The following CDK16 variants were observed in gnomAD, a reference collection of about 807,000 sequenced individuals.
The protein encoded by CDK16 is cyclin dependent kinase 16, also known as cyclin-dependent kinase 16.
Under a neutral mutation model 41.6 loss-of-function variants are expected in CDK16, and 2 were observed. The ratio of observed to expected loss-of-function variants is 0.05; its 90% CI spans 0.02 to 0.15. The LOEUF is 0.15. CDK16 is among the 10% of genes least tolerant of loss of function. The pLI is 1.00. For missense variants in CDK16, 228 were observed against 428.9 expected, an observed-to-expected ratio of 0.53 and a Z score of 4.14; for synonymous variants, 169 against 169.7, an observed-to-expected ratio of 1.00 and a Z score of 0.03.
chrX:47,228,930 G>A lies in CDK16; in HGVS notation c.*162G>A, dbSNP rs940859970. ...TGCCTGCCCAAACACCCCACCATTG[G>A]CCTGTCAACCCACCCATTGGCCTGT... On this transcript the variant is annotated 3_prime_UTR_variant, in exon 16 of 16. Transcript: ENST00000357227. 7.3e-6 allele frequency: 4 copies of A among 547,702 alleles called. No individual in the cohort carries two copies. The highest frequency in any genetic ancestry group is 9.4e-6 in the Non-Finnish European group (3 of 318,882). The allele number at this position is 547,702 out of a possible 1,213,427, so 45.1% of individuals were successfully genotyped here.
chrX:47,219,295 T>C (rs1213139465), intron 1 of CDK16, among the ~76,000 whole-genome samples, 190 bp downstream of exon 1: 3 of 108,263 alleles, frequency 2.8e-5, no homozygotes, highest in African/African-American at 6.8e-5. Context: ...TCCTGGGAGC[T>C]GGGGTTGGGT....
intron 11 of CDK16, 38 bp from the exon 12 acceptor site, chrX:47,226,956 C>G: frequency 8.3e-7 from 1 of 1,203,179 alleles, no homozygotes; most frequent in Non-Finnish European, 1.1e-6. Flanking sequence ...ACGGGGAGGA[C>G]CTGTGAAATG....
At chrX:47,225,433 C>T (rs1274260735) in intron 6 of CDK16, among the ~76,000 whole-genome samples, 6 of 112,090 alleles carry the variant, frequency 5.4e-5, no homozygotes, top group Middle Eastern at 4.6e-3. Flanking sequence ...TTCGATTTCA[C>T]GCGATGCTGC....
chrX:47,223,925 A>G (rs1303765605), intron 2 of CDK16, among the ~76,000 whole-genome samples, 166 bp downstream of exon 2: 1 of 105,103 alleles, frequency 9.5e-6, no homozygotes, highest in Non-Finnish European at 2.0e-5. Flanking sequence ...CCGTCTGTCT[A>G]TCTGTCCATC....
At chrX:47,219,736 C>T (rs1937252997) in intron 1 of CDK16, among the ~76,000 whole-genome samples, 1 of 110,198 alleles carries the variant, frequency 9.1e-6, no homozygotes, top group African/African-American at 3.3e-5. Flanking sequence ...TGTGAGAATG[C>T]AGTGTGTGCT....
chrX:47,228,530 G>C (rs779411336), intron 14 of CDK16, 37 bp from the exon 15 acceptor site: 4 of 1,127,852 alleles, frequency 3.5e-6, no homozygotes, highest in Non-Finnish European at 4.9e-6. Context: ...ATGACCTCAT[G>C]GGTCATCCCC....
At position 47,218,940 on chromosome X, in the gene CDK16, T is replaced by G; in HGVS notation, c.-172T>G. ...CGCCGCCGCCGCCGCCTCCTCCTCCTCAGCCGGCGGCGGCCCGGGCCCAGC... is the reference window on the plus strand; with the variant it reads ...CGCCGCCGCCGCCGCCTCCTCCTCCGCAGCCGGCGGCGGCCCGGGCCCAGC... On this transcript the variant is annotated 5_prime_UTR_variant, in exon 1 of 16. Transcript: ENST00000357227. The G allele has an allele frequency of 2.0e-6, 2 of 994,126 alleles. No homozygotes were observed. Among genetic ancestry groups the G allele is most frequent in the Non-Finnish European group, 2.5e-6 (2 of 788,989 alleles). The allele number at this position is 994,126 out of a possible 1,213,427, so 81.9% of individuals were successfully genotyped here.
At chrX:47,225,557 TCTC>T (rs1379344798) in intron 6 of CDK16, among the ~76,000 whole-genome samples, 20 of 111,675 alleles carry the variant, frequency 1.8e-4, no homozygotes, top group African/African-American at 5.2e-4. Flanking sequence ...TGCTCCATAC[TCTC>T]CTCTGAGTCT....
At position 47,227,223 on chromosome X, in the gene CDK16, G is replaced by T; in HGVS notation, c.1284G>T (p.Gln428His). The change falls in exon 13 of 16, where the codon CAG (glutamine) becomes CAT (histidine). Residue 428 changes from glutamine (Q) to histidine (H), a missense_variant and splice_region_variant. Physicochemically the swap from Gln to His is conservative, Grantham distance 24. This residue lies in a region of CDK16 where 91 missense variants were observed against 129.5 expected (regional missense o/e 0.70). Coordinates refer to ENST00000357227, the MANE Select transcript of CDK16 (RefSeq NM_006201.5). ...CCGACCTCCTCACCAAGCTGTTGCAGGTGAGACCACCTTGGGTCAGCCTTG... is the reference window on the plus strand; with the variant it reads ...CCGACCTCCTCACCAAGCTGTTGCATGTGAGACCACCTTGGGTCAGCCTTG... ...DGADLLTKLL[Q>H]FEGRNRISAE... The T allele has an allele frequency of 8.3e-7, 1 of 1,206,345 alleles. No individual in the cohort carries two copies. The highest frequency in any genetic ancestry group is 1.8e-5 in the South Asian group (1 of 56,480).
chrX:47,218,428 T>C (rs1288261002), upstream of CDK16: 1 of 426,612 alleles, frequency 2.3e-6, no homozygotes, highest in African/African-American at 2.5e-5. Context: ...TTTGCCACCA[T>C]GGGGATGTAC....
intron 12 of CDK16, 24 bp downstream of exon 12, chrX:47,227,123 G>A (rs368599866): frequency 3.3e-5 from 40 of 1,206,122 alleles, no homozygotes; most frequent in Admixed American, 6.6e-5. Context: ...GTGGGTGGGC[G>A]TTAGGGGCCA....
At position 47,218,922 on chromosome X, in the gene CDK16, G is replaced by A. The variant is rs1556796320; in HGVS notation, c.-190G>A. On this transcript the variant is annotated 5_prime_UTR_variant, in exon 1 of 16. Transcript: ENST00000357227. ...CGCCTCCGCCTCAGCCACCGCCGCC[G>A]CCGCCGCCTCCTCCTCCTCAGCCGG... 1 of 1,035,646 alleles carries A rather than the reference G, an allele frequency of 9.7e-7. No individual in the cohort carries two copies. 85.3% of individuals were successfully genotyped at this position (1,035,646 alleles called of 1,213,427 possible). A position where few individuals can be genotyped will look rare whatever the true frequency, so the allele number is the denominator to read the frequency against.
At chrX:47,222,739 T>C (rs941460155) in intron 1 of CDK16, 3 of 183,380 alleles carry the variant, frequency 1.6e-5, no homozygotes, top group Non-Finnish European at 2.0e-5. Context: ...CATTGAGGAC[T>C]GGGGCGTGTA....
chrX:47,222,969 C>A, intron 1 of CDK16: 1 of 869,069 alleles, frequency 1.2e-6, no homozygotes, highest in Non-Finnish European at 1.5e-6. Flanking sequence ...CCCCCCCCCA[C>A]CTGGGTAGAT....
At position 47,229,568 on chromosome X, in the gene CDK16, T is replaced by TG. The variant is rs1208013866; in HGVS notation, c.*806dup. 2.3e-5 allele frequency: 5 copies of TG among 217,809 alleles called. No homozygotes were observed. The highest frequency in any genetic ancestry group is 6.1e-5 in the African/African-American group (2 of 33,011). 17.9% of individuals were successfully genotyped at this position (217,809 alleles called of 1,213,427 possible). On this transcript the variant is annotated 3_prime_UTR_variant, in exon 16 of 16. Transcript: ENST00000357227. ...CAGAGACTCTGGGAAATGGACAAGGTGGGGGGCCCCACTCTTTCTCTCCTG... is the reference window on the plus strand; with the variant it reads ...CAGAGACTCTGGGAAATGGACAAGGTGGGGGGGCCCCACTCTTTCTCTCCTG...
chrX:47,221,449 C>T (rs1465410475), intron 1 of CDK16, among the ~76,000 whole-genome samples: 7 of 111,577 alleles, frequency 6.3e-5, no homozygotes, highest in African/African-American at 2.3e-4. Context: ...GATTTTACAC[C>T]CCATCTTCCT....
At chrX:47,223,369 G>C (rs1937430253) in intron 1 of CDK16, 183 bp from the exon 2 acceptor site, 1 of 1,091,177 alleles carries the variant, frequency 9.2e-7, no homozygotes, top group South Asian at 2.0e-5. Flanking sequence ...GGCAGGTACT[G>C]ACAAAGATCC....
Position 47,228,745 on chromosome X carries a change from C to G in CDK16, c.1468C>G (p.Arg490Gly), listed in dbSNP as rs780369654. ...SMPDSGRPAF[R>G]VVDTEF ...TTCCCCCACAGGCAGGCCAGCTTTC[C>G]GCGTGGTGGACACCGAGTTCTAAGC... Residue 490 changes from arginine to glycine, a missense_variant, in exon 16 of 16, where the codon CGC becomes GGC. Coordinates refer to ENST00000357227, the MANE Select transcript of CDK16 (RefSeq NM_006201.5). 8.3e-7 allele frequency: 1 copy of G among 1,209,607 alleles called. No individual in the cohort carries two copies. The highest frequency in any genetic ancestry group is 3.0e-5 in the East Asian group (1 of 33,802).
At position 47,229,442 on chromosome X, in the gene CDK16, C is replaced by T. The variant is rs1250932952; in HGVS notation, c.*674C>T. 7 of 321,454 alleles carry T rather than the reference C, an allele frequency of 2.2e-5. No individual in the cohort carries two copies. The highest frequency in any genetic ancestry group is 2.0e-4 in the Admixed American group (6 of 29,995). The allele number at this position is 321,454 out of a possible 1,213,427, so 26.5% of individuals were successfully genotyped here. ...CACAGCCCCTATTTGGAACCCTGAT[C>T]ATCACCAGACCCTGGGATTGGCTAT... On this transcript the variant is annotated 3_prime_UTR_variant, in exon 16 of 16. Transcript: ENST00000357227.
Sources: gnomAD v4.1 joint callset for allele counts (sites outside exome capture counted in the v4.1 genomes callset) on GRCh38, gnomAD v4.1.1 for gene constraint, gnomAD v4.1.1 regional missense constraint, MANE v1.5 for transcripts, NCBI Gene and HGNC (gene_info 2026-07-23, HGNC 2026-07-21) for gene names.